The following RNF220 variants were observed in gnomAD, a reference collection of about 807,000 sequenced individuals.
RNF220 encodes E3 ubiquitin-protein ligase RNF220.
A neutral mutation model predicts 67.1 loss-of-function variants in RNF220; 7 were observed. The observed-to-expected ratio is 0.10, with a 90% CI of 0.06 to 0.20. The LOEUF is 0.20. Among genes scored for constraint, RNF220 ranks in the 10% least tolerant of loss-of-function variants. The pLI is 1.00. For missense variants in RNF220, 565 were observed against 740.3 expected, an observed-to-expected ratio of 0.76 and a Z score of 2.75; for synonymous variants, 270 against 283.2, an observed-to-expected ratio of 0.95 and a Z score of 0.47.
At chr1:44,480,133 C>T (rs1164514221) in intron 2 of RNF220, among the ~76,000 whole-genome samples, 1 of 152,210 alleles carries the variant, frequency 6.6e-6, no homozygotes. Context: ...AGGCAGGGCA[C>T]AGTGGCTCAC....
At chr1:44,635,697 C>T (rs776030022) in intron 7 of RNF220, 109 bp downstream of exon 7, 9 of 1,567,482 alleles carry the variant, frequency 5.7e-6, no homozygotes, top group Non-Finnish European at 7.8e-6. Flanking sequence ...CACCTTCCTT[C>T]CCCGCTCCCT....
At chr1:44,545,057 G>A (rs913427675) in intron 2 of RNF220, among the ~76,000 whole-genome samples, 6 of 152,366 alleles carry the variant, frequency 3.9e-5, no homozygotes, top group African/African-American at 1.2e-4. Context: ...TTGCCCTTGA[G>A]GAGCTTACGC....
rs1177939025 is a variant in RNF220 at position 44,650,897 on chromosome 1, C to T, written c.*122C>T. The T allele has an allele frequency of 3.7e-6, 3 of 818,836 alleles. No homozygotes were observed. Among genetic ancestry groups the T allele is most frequent in the Non-Finnish European group, 4.1e-6 (2 of 485,610 alleles). The allele number at this position is 818,836 out of a possible 1,614,324, so 50.7% of individuals were successfully genotyped here. ...TTCCCCATGTACATACATGCACATA[C>T]TCAAACATGCGTACACACACACACA... On this transcript the variant is annotated 3_prime_UTR_variant, in exon 15 of 15. Transcript: ENST00000361799. The surrounding 1 kb of genome is among the most constrained non-coding windows in gnomAD (Gnocchi z 4.3).
At chr1:44,441,532 A>T (rs1332661774) in intron 2 of RNF220, among the ~76,000 whole-genome samples, 1 of 152,230 alleles carries the variant, frequency 6.6e-6, no homozygotes, top group Non-Finnish European at 1.5e-5. Flanking sequence ...GATAGGGAGG[A>T]GGATGAGCCT....
intron 2 of RNF220, among the ~76,000 whole-genome samples, chr1:44,469,162 A>G (rs1273135869): frequency 6.6e-6 from 1 of 152,240 alleles, no homozygotes; most frequent in Non-Finnish European, 1.5e-5. Context: ...TAAAGGAAAG[A>G]AAACCCACAG....
chr1:44,557,697 T>C (rs1337944840), intron 2 of RNF220, among the ~76,000 whole-genome samples: 1 of 152,248 alleles, frequency 6.6e-6, no homozygotes, highest in Admixed American at 6.5e-5. Context: ...AATGAATTTC[T>C]TAAGTTCACT....
chr1:44,535,551 A>G (rs1661156537), intron 2 of RNF220, among the ~76,000 whole-genome samples: 1 of 152,156 alleles, frequency 6.6e-6, no homozygotes, highest in Non-Finnish European at 1.5e-5. Flanking sequence ...TGTGTTCACA[A>G]TTTGAATTTA....
intron 2 of RNF220, among the ~76,000 whole-genome samples, chr1:44,498,979 T>A (rs1365493416): frequency 6.6e-6 from 1 of 152,196 alleles, no homozygotes; most frequent in Non-Finnish European, 1.5e-5. Context: ...TCATTACCAG[T>A]AATTATACCC....
chr1:44,496,580 C>T (rs1169515764), intron 2 of RNF220, among the ~76,000 whole-genome samples: 2 of 152,184 alleles, frequency 1.3e-5, no homozygotes, highest in Non-Finnish European at 2.9e-5. Flanking sequence ...AAGCCACATG[C>T]CCCGGCGTAG....
intron 2 of RNF220, among the ~76,000 whole-genome samples, chr1:44,460,638 G>A (rs1370893544): frequency 6.6e-6 from 1 of 152,198 alleles, no homozygotes. Flanking sequence ...GAGGTCAGCT[G>A]CACTAACCAC....
At chr1:44,479,719 C>G (rs1207069354) in intron 2 of RNF220, among the ~76,000 whole-genome samples, 1 of 152,188 alleles carries the variant, frequency 6.6e-6, no homozygotes, top group Non-Finnish European at 1.5e-5. Context: ...AAATCTCTTA[C>G]TAGAGAGATT....
rs145281798 is a variant in RNF220 at position 44,621,777 on chromosome 1, G to A, written c.759-965G>A. Among the ~76,000 whole-genome samples, 2,074 of 152,248 alleles carry A rather than the reference G, an allele frequency of 0.014. 49 individuals carry two copies. The highest frequency in any genetic ancestry group is 0.046 in the African/African-American group (1,922 of 41,524). ...GTGTCTGTGTGTTCTTCTGCTTTCC[G>A]GGTATATCTGCAGGTGTGCTGTACG... On this transcript the variant is annotated intron_variant, in intron 3 of 14. Transcript: ENST00000361799. The surrounding 1 kb of genome is among the most constrained non-coding windows in gnomAD (Gnocchi z 4.8).
intron 2 of RNF220, among the ~76,000 whole-genome samples, chr1:44,437,360 A>G (rs2147885966): frequency 1.3e-5 from 2 of 152,350 alleles, no homozygotes; most frequent in Middle Eastern, 6.8e-3. Context: ...AACCATAATT[A>G]GCAATTAAAA....
At chr1:44,470,469 AAAAT>A (rs1654703931) in intron 2 of RNF220, among the ~76,000 whole-genome samples, 1 of 152,214 alleles carries the variant, frequency 6.6e-6, no homozygotes, top group Admixed American at 6.5e-5. Flanking sequence ...GTAAAAAAGA[AAAAT>A]AAAATGGATA....
rs1573003589 is a variant in RNF220, at chr1:44,600,836, T to C, written c.626-13329T>C. Among the ~76,000 whole-genome samples the C allele has an allele frequency of 6.7e-6, 1 of 150,274 alleles. No homozygotes were observed. The highest frequency in any genetic ancestry group is 2.5e-5 in the African/African-American group (1 of 40,682). On this transcript the variant is annotated intron_variant, in intron 2 of 14. Transcript: ENST00000361799. The surrounding 1 kb of genome is among the most constrained non-coding windows in gnomAD (Gnocchi z 4.0). ...GACTCTGTCTCAAAAAAAAAAAAAGTACAGTGCTTGCCACAGAGTAAGCAT... is the reference window on the plus strand; with the variant it reads ...GACTCTGTCTCAAAAAAAAAAAAAGCACAGTGCTTGCCACAGAGTAAGCAT...
rs117784265 is a variant in RNF220, at chr1:44,503,745, A to T, written c.625+91023A>T. 9.2e-5 allele frequency among the ~76,000 whole-genome samples: 14 copies of T among 152,332 alleles called. No individual in the cohort carries two copies. In the East Asian group the frequency reaches 2.5e-3, roughly 27 times the overall value. On this transcript the variant is annotated intron_variant, in intron 2 of 14. Coordinates refer to ENST00000361799, the MANE Select transcript of RNF220 (RefSeq NM_018150.4). Reference sequence around the variant, plus strand: ...TTAGGCTAGTGTTTTCAAAGCTTGGACCAACAGCATCAGCATCACCTGGGA... The same window carrying T: ...TTAGGCTAGTGTTTTCAAAGCTTGGTCCAACAGCATCAGCATCACCTGGGA...
chr1:44,501,640 T>G (rs999456010), intron 2 of RNF220, among the ~76,000 whole-genome samples: 1 of 152,072 alleles, frequency 6.6e-6, no homozygotes, highest in Non-Finnish European at 1.5e-5. Context: ...CCTTTGACTT[T>G]TTAAGCCAGG....
intron 2 of RNF220, among the ~76,000 whole-genome samples, chr1:44,537,225 G>T (rs566276703): frequency 2.0e-5 from 3 of 151,894 alleles, no homozygotes; most frequent in Non-Finnish European, 4.4e-5. Flanking sequence ...ACCCCTTCTT[G>T]TATCAGACCT....
At chr1:44,590,702 C>T (rs1344851599) in intron 2 of RNF220, among the ~76,000 whole-genome samples, 13 of 152,078 alleles carry the variant, frequency 8.5e-5, no homozygotes, top group Admixed American at 7.9e-4. Flanking sequence ...GAATAGGAAG[C>T]GGGGGGGCCA....
Sources: gnomAD v4.1 joint callset for allele counts (sites outside exome capture counted in the v4.1 genomes callset) on GRCh38, gnomAD v4.1.1 for gene constraint, Gnocchi (gnomAD v3.1) non-coding constraint, MANE v1.5 for transcripts, NCBI Gene and HGNC (gene_info 2026-07-23, HGNC 2026-07-21) for gene names.